TUSC3: variants seen among roughly 807,000 people sequenced by gnomAD.
The protein encoded by TUSC3 is dolichyl-diphosphooligosaccharide--protein glycosyltransferase subunit TUSC3.
A neutral mutation model predicts 44.8 loss-of-function variants in TUSC3; 45 were observed. The observed-to-expected ratio is 1.00, with a 90% CI of 0.79 to 1.29. The LOEUF (loss-of-function observed/expected upper bound fraction) is 1.29, where lower values mean the gene tolerates loss of function less well. TUSC3 is among the 50% of genes most tolerant of loss of function. The pLI, the probability that TUSC3 is intolerant of heterozygous loss-of-function variation, is 0.00. For synonymous variants in TUSC3, 212 were observed against 152.9 expected (o/e 1.39, Z -2.85); for missense variants, 519 against 437.9 (o/e 1.19, Z -1.65).
chr8:15,689,147 T>C, intron 6 of TUSC3: 1 of 405,792 alleles, frequency 2.5e-6, no homozygotes, highest in South Asian at 2.0e-5. Context: ...CATTTATCGC[T>C]TTTTCTTTCC....
At chr8:15,432,731 T>C (rs796133989) in intron 1 of TUSC3, among the ~76,000 whole-genome samples, 5 of 152,202 alleles carry the variant, frequency 3.3e-5, no homozygotes, top group African/African-American at 1.2e-4. Flanking sequence ...AATGTGCATC[T>C]CGGATCCCCT....
At chr8:15,751,358 G>A (rs1447915043) in intron 9 of TUSC3, among the ~76,000 whole-genome samples, 4 of 152,122 alleles carry the variant, frequency 2.6e-5, no homozygotes, top group African/African-American at 7.2e-5. Context: ...TAACTCAAAT[G>A]GCTAATCTCT....
chr8:15,442,127 T>G (rs372204027), intron 1 of TUSC3, among the ~76,000 whole-genome samples: 5 of 152,162 alleles, frequency 3.3e-5, no homozygotes, highest in African/African-American at 1.2e-4. Context: ...TTAACTCTTT[T>G]ATGGATTTAG....
At chr8:15,774,868 A>G in the TUSC3 span, among the ~76,000 whole-genome samples, 1 of 152,128 alleles carries the variant, frequency 6.6e-6, no homozygotes, top group African/African-American at 2.4e-5. Flanking sequence ...AAGCTCTCAT[A>G]CGTTGTGGGA....
At chr8:15,717,045 C>T (rs1471145918) in intron 6 of TUSC3, among the ~76,000 whole-genome samples, 1 of 152,038 alleles carries the variant, frequency 6.6e-6, no homozygotes, top group African/African-American at 2.4e-5. Context: ...TTATGGTCCT[C>T]TGTAACTAAT....
At chr8:15,759,616 T>C (rs1233708184) in intron 10 of TUSC3, among the ~76,000 whole-genome samples, 4 of 152,144 alleles carry the variant, frequency 2.6e-5, no homozygotes, top group Non-Finnish European at 4.4e-5. Flanking sequence ...AAATCCAAAG[T>C]TCTCTTCATG....
At chr8:15,728,884 G>A (rs1810603172) in intron 6 of TUSC3, among the ~76,000 whole-genome samples, 1 of 152,046 alleles carries the variant, frequency 6.6e-6, no homozygotes, top group African/African-American at 2.4e-5. Flanking sequence ...CTCAAGATTG[G>A]GGTCCTGGAA....
At chr8:15,573,167 T>TCTC (rs71211060) in intron 1 of TUSC3, among the ~76,000 whole-genome samples, 2,285 of 99,468 alleles carry the variant, frequency 0.023, 75 homozygotes, top group African/African-American at 0.082. Context: ...GTTCTCTCTC[T>TCTC]TTCTCTCTCT....
chr8:15,790,354 T>G, the TUSC3 span, among the ~76,000 whole-genome samples: 1 of 151,866 alleles, frequency 6.6e-6, no homozygotes, highest in Non-Finnish European at 1.5e-5. Context: ...CTCAGCTAAT[T>G]TTTTACTTTT....
At chr8:15,517,449 C>T (rs1230079140) in intron 2 of TUSC3, among the ~76,000 whole-genome samples, 1 of 138,524 alleles carries the variant, frequency 7.2e-6, no homozygotes, top group Non-Finnish European at 1.5e-5. Flanking sequence ...CATCTATACA[C>T]CTACTAGGGA....
intron 2 of TUSC3, among the ~76,000 whole-genome samples, chr8:15,528,061 A>T (rs1194991163): frequency 6.6e-6 from 1 of 152,226 alleles, no homozygotes; most frequent in Admixed American, 6.5e-5. Context: ...CCTGAAATAG[A>T]TGATGAACTC....
intron 6 of TUSC3, among the ~76,000 whole-genome samples, chr8:15,716,111 C>T (rs375425800): frequency 1.5e-4 from 23 of 152,040 alleles, no homozygotes; most frequent in African/African-American, 5.3e-4. Flanking sequence ...CAAAAATTAG[C>T]TTGGCATGAT....
intron 1 of TUSC3, among the ~76,000 whole-genome samples, chr8:15,544,136 A>G (rs1801782668): frequency 6.6e-6 from 1 of 152,112 alleles, no homozygotes; most frequent in Admixed American, 6.5e-5. Context: ...TGATTTTTGA[A>G]TCCTCACTGA....
chr8:15,731,284 A>G (rs1810710539), intron 7 of TUSC3, among the ~76,000 whole-genome samples: 1 of 152,172 alleles, frequency 6.6e-6, no homozygotes, highest in South Asian at 2.1e-4. Flanking sequence ...AGGGTAAGAA[A>G]AAGGTAAGGT....
At chr8:15,671,494 A>G (rs1014468921) in intron 5 of TUSC3, among the ~76,000 whole-genome samples, 3 of 151,994 alleles carry the variant, frequency 2.0e-5, no homozygotes, top group African/African-American at 7.2e-5. Context: ...CATGTTACTC[A>G]GTGTTTTGTT....
At chr8:15,744,127 T>A (rs1811308276) in intron 8 of TUSC3, among the ~76,000 whole-genome samples, 1 of 152,214 alleles carries the variant, frequency 6.6e-6, no homozygotes, top group South Asian at 2.1e-4. Context: ...GATACTATCT[T>A]TTCCAGGGTC....
At chr8:15,714,339 G>A (rs145478024) in intron 6 of TUSC3, among the ~76,000 whole-genome samples, 1 of 152,034 alleles carries the variant, frequency 6.6e-6, no homozygotes, top group Non-Finnish European at 1.5e-5. Flanking sequence ...CCCCAATTTT[G>A]TTGAAGTTAT....
the TUSC3 span, among the ~76,000 whole-genome samples, chr8:15,831,803 C>G: frequency 6.6e-6 from 1 of 152,068 alleles, no homozygotes; most frequent in Non-Finnish European, 1.5e-5. Flanking sequence ...GTAAAGAGAT[C>G]AAATATATGA....
At chr8:15,620,291 A>C (rs1805185370) in intron 1 of TUSC3, among the ~76,000 whole-genome samples, 1 of 152,228 alleles carries the variant, frequency 6.6e-6, no homozygotes, top group Admixed American at 6.5e-5. Flanking sequence ...GGTAATGAAA[A>C]ATACCAGTTT....
Sources: allele counts gnomAD v4.1 joint callset (sites outside exome capture counted in the v4.1 genomes callset), GRCh38; gene constraint gnomAD v4.1.1; transcripts MANE v1.5; gene names NCBI Gene and HGNC (gene_info 2026-07-23, HGNC 2026-07-21).